The following ARMH3 variants were observed in gnomAD, a reference collection of about 807,000 sequenced individuals.
ARMH3 encodes armadillo-like helical domain-containing protein 3.
ARMH3 carries 60 observed loss-of-function variants against 99.1 expected under a neutral mutation model. That is an observed-to-expected ratio of 0.61 (90% CI 0.49 to 0.75). The LOEUF (loss-of-function observed/expected upper bound fraction) is 0.75. Among genes scored for constraint, ARMH3 ranks in the 30% least tolerant of loss-of-function variants. The pLI is 0.00. For synonymous variants in ARMH3, 285 were observed against 292.8 expected (o/e 0.97, Z 0.27); for missense variants, 679 against 843.1 (o/e 0.81, Z 2.41).
intron 5 of ARMH3, among the ~76,000 whole-genome samples, chr10:102,028,927 A>G (rs935355238): frequency 1.3e-5 from 2 of 152,172 alleles, no homozygotes; most frequent in African/African-American, 4.8e-5. Context: ...CCTGGAGTGC[A>G]GTGGCATGAT....
At chr10:101,903,483 G>A (rs1027360010) in intron 23 of ARMH3, among the ~76,000 whole-genome samples, 2 of 152,190 alleles carry the variant, frequency 1.3e-5, no homozygotes, top group African/African-American at 4.8e-5. Flanking sequence ...AGGTATCATG[G>A]AAGCACAGAG....
intron 23 of ARMH3, among the ~76,000 whole-genome samples, chr10:101,929,419 T>C (rs7919455): frequency 0.058 from 8,877 of 152,290 alleles, 279 homozygotes; most frequent in African/African-American, 0.068. Flanking sequence ...ACAGACTTTT[T>C]CCCCACTATC....
At chr10:101,931,771 A>C (rs1017771036) in intron 23 of ARMH3, among the ~76,000 whole-genome samples, 6 of 152,206 alleles carry the variant, frequency 3.9e-5, no homozygotes, top group Admixed American at 3.3e-4. Context: ...AAAAGGATCA[A>C]GGACCTAAAT....
chr10:101,925,846 G>A (rs1244582580), intron 23 of ARMH3, among the ~76,000 whole-genome samples: 1 of 152,184 alleles, frequency 6.6e-6, no homozygotes, highest in Non-Finnish European at 1.5e-5. Flanking sequence ...AGGAGGCGGA[G>A]GTTGCAGTGA....
chr10:101,956,866 C>T (rs1228371265), intron 21 of ARMH3, 143 bp from the exon 22 acceptor site: 3 of 640,730 alleles, frequency 4.7e-6, no homozygotes, highest in Non-Finnish European at 6.8e-6. Context: ...TTGTTAAACA[C>T]AGCCATTATT....
intron 1 of ARMH3, among the ~76,000 whole-genome samples, chr10:102,045,460 A>G (rs1415436634): frequency 6.6e-6 from 1 of 152,222 alleles, no homozygotes; most frequent in Non-Finnish European, 1.5e-5. Flanking sequence ...GATCTGGAAT[A>G]ACAGGAAGAA....
intron 24 of ARMH3, among the ~76,000 whole-genome samples, chr10:101,878,477 CA>C (rs751214447): frequency 1.6e-3 from 220 of 140,216 alleles, no homozygotes; most frequent in Admixed American, 1.6e-3. Flanking sequence ...CCATCTCTAT[CA>C]AAAAAAAAAA....
intron 23 of ARMH3, among the ~76,000 whole-genome samples, chr10:101,926,644 A>C (rs1843518429): frequency 6.6e-6 from 1 of 152,230 alleles, no homozygotes; most frequent in Admixed American, 6.5e-5. Context: ...TTAGGGACCT[A>C]AACTATGCCT....
At chr10:101,892,272 T>A (rs1191434863) in intron 23 of ARMH3, among the ~76,000 whole-genome samples, 1 of 151,118 alleles carries the variant, frequency 6.6e-6, no homozygotes, top group African/African-American at 2.4e-5. Flanking sequence ...TGGTGAGACC[T>A]TGTCTCTACA....
At chr10:101,853,681 C>T (rs1156532454) in intron 24 of ARMH3, among the ~76,000 whole-genome samples, 4 of 152,232 alleles carry the variant, frequency 2.6e-5, no homozygotes, top group Admixed American at 2.6e-4. Flanking sequence ...TTCCTAGAAT[C>T]ATGCCAACCA....
At chr10:101,855,972 G>A (rs2066729627) in intron 24 of ARMH3, among the ~76,000 whole-genome samples, 1 of 151,790 alleles carries the variant, frequency 6.6e-6, no homozygotes, top group African/African-American at 2.4e-5. Flanking sequence ...CCCAGTGCAG[G>A]CTGTGCTCAA....
At chr10:101,855,476 G>A (rs913125982) in intron 24 of ARMH3, among the ~76,000 whole-genome samples, 5 of 151,278 alleles carry the variant, frequency 3.3e-5, no homozygotes, top group African/African-American at 9.7e-5. Context: ...TTGGGAGGCC[G>A]AGGTGGGAGG....
chr10:101,849,938 C>G, intron 24 of ARMH3, 46 bp from the exon 25 acceptor site: 2 of 1,558,014 alleles, frequency 1.3e-6, no homozygotes, highest in Non-Finnish European at 1.8e-6. Context: ...ATGCAAATCC[C>G]ACAACCCTGA....
rs965915919 is a variant in ARMH3, at chr10:102,029,645, C to T, written c.407G>A (p.Cys136Tyr). 1.9e-6 allele frequency: 3 copies of T among 1,614,140 alleles called. No homozygotes were observed. In the African/African-American group the frequency reaches 4.0e-5, roughly 22 times the overall value. ...CTGCAGCTTATGCCTCACCTTCATG[C>T]ACAGCTCCGCCTTGTCAAAGCCCAT... ...MLMGFDKAEL[C>Y]MKNLMESLDS... is the part of the protein sequence containing the mutation. Residue 136 changes from cysteine to tyrosine, a missense_variant, in exon 5 of 26, where the codon TGC becomes TAC. By Grantham distance (194) the Cys-to-Tyr change is radical (BLOSUM62 -2). Transcript: ENST00000370033.
rs1022742716 is a variant in ARMH3, at chr10:102,000,824, GT to G, written c.1150+1146del. On this transcript the variant is annotated intron_variant, in intron 15 of 25. Transcript: ENST00000370033. ...GATGGATGGTGATGATAGTTTTGTT[GT>G]TTTTTTTTTGAGATGGAGTCTCACT... Among the ~76,000 whole-genome samples the G allele has an allele frequency of 3.4e-5, 5 of 147,906 alleles. No homozygotes were observed. In the East Asian group the frequency reaches 6.0e-4, roughly 18 times the overall value.
chr10:101,915,117 T>G (rs545569993), intron 23 of ARMH3, among the ~76,000 whole-genome samples: 3 of 152,074 alleles, frequency 2.0e-5, no homozygotes, highest in African/African-American at 7.2e-5. Flanking sequence ...CCTGCTCCAA[T>G]AGTAGACTTC....
intron 23 of ARMH3, among the ~76,000 whole-genome samples, chr10:101,928,284 G>A (rs1843585078): frequency 6.6e-6 from 1 of 152,092 alleles, no homozygotes; most frequent in African/African-American, 2.4e-5. Context: ...ACAGGGTGAG[G>A]CCCCATATCT....
chr10:101,897,013 G>A (rs1276526254), intron 23 of ARMH3, among the ~76,000 whole-genome samples: 1 of 152,186 alleles, frequency 6.6e-6, no homozygotes, highest in Non-Finnish European at 1.5e-5. Context: ...TGTTGAGGGG[G>A]GTGGCAGGGT....
At chr10:101,945,308 G>T (rs191646891) in intron 22 of ARMH3, among the ~76,000 whole-genome samples, 1 of 152,072 alleles carries the variant, frequency 6.6e-6, no homozygotes, top group Non-Finnish European at 1.5e-5. Flanking sequence ...GAGGCCAGGC[G>T]CAGTGCCTCG....
Sources: gnomAD v4.1 joint callset for allele counts (sites outside exome capture counted in the v4.1 genomes callset) on GRCh38, gnomAD v4.1.1 for gene constraint, MANE v1.5 for transcripts, NCBI Gene and HGNC (gene_info 2026-07-23, HGNC 2026-07-21) for gene names.